The following CRACR2A variants were observed in gnomAD, a reference collection of about 807,000 sequenced individuals.
CRACR2A encodes EF-hand calcium-binding domain-containing protein 4B.
A neutral mutation model predicts 90.5 loss-of-function variants in CRACR2A; 79 were observed. That is an observed-to-expected ratio of 0.87 (90% CI 0.73 to 1.05). The LOEUF (loss-of-function observed/expected upper bound fraction) is 1.05. Ranked by LOEUF, CRACR2A falls within the 50% of genes least tolerant of loss-of-function variation. The pLI is 0.00. For synonymous variants in CRACR2A, 338 were observed against 356.7 expected, an observed-to-expected ratio of 0.95 and a Z score of 0.59; for missense variants, 823 against 897.2, an observed-to-expected ratio of 0.92 and a Z score of 1.06.
intron 1 of CRACR2A, among the ~76,000 whole-genome samples, chr12:3,752,353 CACGG>C (rs756942914): frequency 1.0e-4 from 3 of 29,694 alleles, no homozygotes; most frequent in African/African-American, 2.2e-4. Context: ...CACACACACA[CACGG>C]ACACACACAC....
rs9300301 is a variant in CRACR2A at position 3,639,457 on chromosome 12, A to AACACAC, written c.1272-1009_1272-1004dup. Among the ~76,000 whole-genome samples, 74 of 139,554 alleles carry AACACAC rather than the reference A, an allele frequency of 5.3e-4. 1 individual carries two copies. Among genetic ancestry groups the AACACAC allele is most frequent in the Admixed American group, 9.5e-4 (13 of 13,646 alleles). The allele number at this position is 139,554 out of a possible 152,430, so 91.6% of individuals were successfully genotyped here. ...GGGAGGACCTTAAGTCCAGAATTGA[A>AACACAC]ACACACACACACACACACACGCATG... On this transcript the variant is annotated intron_variant, in intron 13 of 19. Coordinates refer to ENST00000440314, the MANE Select transcript of CRACR2A (RefSeq NM_001144958.2).
At chr12:3,727,857 T>C (rs1275893800) in intron 2 of CRACR2A, 1 of 152,144 alleles carries the variant, frequency 6.6e-6, no homozygotes, top group African/African-American at 2.4e-5. Flanking sequence ...GTAACAGACT[T>C]GCAGGTGTAC....
intron 2 of CRACR2A, among the ~76,000 whole-genome samples, chr12:3,719,236 C>A (rs1178904980): frequency 2.0e-5 from 3 of 152,134 alleles, no homozygotes; most frequent in Admixed American, 2.0e-4. Context: ...TGTAGAGGTG[C>A]AGAAAGAAAA....
At position 3,697,021 on chromosome 12, in the gene CRACR2A, A is replaced by G. The variant is rs778706996; in HGVS notation, c.-22T>C. 2.5e-6 allele frequency: 4 copies of G among 1,583,676 alleles called. No homozygotes were observed. The East Asian group carries it at 9.2e-5, about 37-fold the overall frequency. The stretch of plus-strand genomic sequence containing the variant: ...CCATCGCGATTAGTCAGTTTCTTGA[A>G]GTCTTTTTCAGAACCTGAACATAGA... On this transcript the variant is annotated 5_prime_UTR_variant, in exon 4 of 20. Coordinates refer to ENST00000440314, the MANE Select transcript of CRACR2A (RefSeq NM_001144958.2).
chr12:3,640,759 C>G (rs761390012), intron 13 of CRACR2A: 5 of 1,305,246 alleles, frequency 3.8e-6, no homozygotes, highest in Non-Finnish European at 5.1e-6. Context: ...AGTCGGGATG[C>G]CTCTATCTCT....
chr12:3,659,091 T>C (rs1944974385), intron 8 of CRACR2A, among the ~76,000 whole-genome samples: 1 of 152,114 alleles, frequency 6.6e-6, no homozygotes, highest in African/African-American at 2.4e-5. Flanking sequence ...CTTGTCCACT[T>C]AGGGGAGCTG....
At chr12:3,623,541 T>C (rs921160323) in intron 17 of CRACR2A, among the ~76,000 whole-genome samples, 2 of 152,220 alleles carry the variant, frequency 1.3e-5, no homozygotes, top group African/African-American at 4.8e-5. Flanking sequence ...AGTCTTCTGA[T>C]GTCCAGTTTG....
rs116856575 is a variant in CRACR2A at position 3,638,580 on chromosome 12, G to A, written c.1272-126C>T. 2,808 of 1,137,088 alleles carry A rather than the reference G, an allele frequency of 2.5e-3. 7 individuals are homozygous for A. The highest frequency in any genetic ancestry group is 3.2e-3 in the Non-Finnish European group (2,639 of 827,396). The allele number at this position is 1,137,088 out of a possible 1,614,324, so 70.4% of individuals were successfully genotyped here. A position where few individuals can be genotyped will look rare whatever the true frequency, so the allele number is the denominator to read the frequency against. Reference sequence around the variant, plus strand: ...TCACACCTTTGGACAAGAGCAGTCCGGGAGAGGGAAAAACAAACCAGCCAG... The same window carrying A: ...TCACACCTTTGGACAAGAGCAGTCCAGGAGAGGGAAAAACAAACCAGCCAG... On this transcript the variant is annotated intron_variant, in intron 13 of 19. Coordinates refer to ENST00000440314, the MANE Select transcript of CRACR2A (RefSeq NM_001144958.2).
chr12:3,752,355 C>T (rs1197648057), intron 1 of CRACR2A, among the ~76,000 whole-genome samples: 5 of 25,300 alleles, frequency 2.0e-4, no homozygotes, highest in South Asian at 2.1e-3. Context: ...CACACACACA[C>T]GGACACACAC....
chr12:3,673,987 T>C (rs1945298442), intron 6 of CRACR2A, among the ~76,000 whole-genome samples: 1 of 152,118 alleles, frequency 6.6e-6, no homozygotes, highest in African/African-American at 2.4e-5. Flanking sequence ...CACGACGGGC[T>C]CGTGGGGCTG....
At chr12:3,680,172 A>T (rs2137614947) in intron 5 of CRACR2A, 66 bp downstream of exon 5, 1 of 1,340,362 alleles carries the variant, frequency 7.5e-7, no homozygotes, top group African/African-American at 1.4e-5. Context: ...AAGGGACAGG[A>T]ATGCACCTTA....
chr12:3,737,029 G>T (rs952779423), intron 1 of CRACR2A, among the ~76,000 whole-genome samples: 1 of 152,208 alleles, frequency 6.6e-6, no homozygotes, highest in African/African-American at 2.4e-5. Flanking sequence ...GTGGACAGGG[G>T]AGAAAGTGGA....
At chr12:3,659,221 C>T (rs562973343) in intron 8 of CRACR2A, among the ~76,000 whole-genome samples, 12 of 152,316 alleles carry the variant, frequency 7.9e-5, no homozygotes, top group East Asian at 7.7e-4. Flanking sequence ...CATTCATTCA[C>T]TCATTCACTT....
intron 3 of CRACR2A, among the ~76,000 whole-genome samples, chr12:3,697,671 A>T (rs1945765458): frequency 6.6e-6 from 1 of 152,206 alleles, no homozygotes; most frequent in Non-Finnish European, 1.5e-5. Flanking sequence ...CATCATTCAC[A>T]GTCAACAAGT....
rs886677627 is a variant in CRACR2A, at chr12:3,746,841, A to T, written c.-387+6174T>A. 2.6e-5 allele frequency among the ~76,000 whole-genome samples: 4 copies of T among 152,170 alleles called. No homozygotes were observed. The highest frequency in any genetic ancestry group is 2.1e-4 in the South Asian group (1 of 4,834). On this transcript the variant is annotated intron_variant, in intron 1 of 19. Transcript: ENST00000440314. The surrounding 1 kb of genome is among the most constrained non-coding windows in gnomAD (Gnocchi z 4.4). ...GGAGTACATCTCAACAAGTTGGTTG[A>T]GAAGGACCAACAAGGGGAGGAGTAC...
chr12:3,619,172 G>T, intron 18 of CRACR2A, 99 bp downstream of exon 18: 2 of 904,052 alleles, frequency 2.2e-6, no homozygotes, highest in Non-Finnish European at 3.4e-6. Context: ...CCTTCCCATG[G>T]CACTTCCAGA....
At chr12:3,677,957 A>G (rs1173659891) in intron 6 of CRACR2A, among the ~76,000 whole-genome samples, 2 of 152,172 alleles carry the variant, frequency 1.3e-5, no homozygotes, top group African/African-American at 4.8e-5. Flanking sequence ...CAAATCGTAT[A>G]TAGGCCTCTT....
chr12:3,733,970 C>CTTTTTTTTTT (rs1555121368), intron 1 of CRACR2A, among the ~76,000 whole-genome samples: 71 of 55,606 alleles, frequency 1.3e-3, no homozygotes, highest in Non-Finnish European at 2.0e-3. Flanking sequence ...CACATTTTGC[C>CTTTTTTTTTT]TTATTTTTTT....
At chr12:3,743,720 G>T (rs1200667777) in intron 1 of CRACR2A, among the ~76,000 whole-genome samples, 3 of 152,174 alleles carry the variant, frequency 2.0e-5, no homozygotes, top group Admixed American at 1.3e-4. Flanking sequence ...TATGAAGCAT[G>T]CAGCCCACCC....
Sources: gnomAD v4.1 joint callset for allele counts (sites outside exome capture counted in the v4.1 genomes callset) on GRCh38, gnomAD v4.1.1 for gene constraint, Gnocchi (gnomAD v3.1) non-coding constraint, MANE v1.5 for transcripts, NCBI Gene and HGNC (gene_info 2026-07-23, HGNC 2026-07-21) for gene names.